PAX5: variants seen among roughly 807,000 people sequenced by gnomAD.
The protein encoded by PAX5 is paired box 5.
Under a neutral mutation model 43.7 loss-of-function variants are expected in PAX5, and 9 were observed. That is an observed-to-expected ratio of 0.21 (90% confidence interval 0.12 to 0.36). The LOEUF (loss-of-function observed/expected upper bound fraction) is 0.36. Ranked by LOEUF, PAX5 falls within the 10% of genes least tolerant of loss-of-function variation. The pLI, the probability that PAX5 is intolerant of heterozygous loss-of-function variation, is 1.00. For synonymous variants in PAX5, 228 were observed against 214.3 expected, an observed-to-expected ratio of 1.06 and a Z score of -0.56; for missense variants, 383 against 532.7, an observed-to-expected ratio of 0.72 and a Z score of 2.77.
At chr9:36,850,064 T>C (rs555926638) in intron 8 of PAX5, among the ~76,000 whole-genome samples, 1 of 151,850 alleles carries the variant, frequency 6.6e-6, no homozygotes, top group African/African-American at 2.4e-5. Context: ...GAAGGGTGGG[T>C]AGGACTTTGA....
chr9:36,885,468 G>A (rs772755639), intron 7 of PAX5, among the ~76,000 whole-genome samples: 44 of 152,162 alleles, frequency 2.9e-4, no homozygotes, highest in Non-Finnish European at 5.4e-4. Flanking sequence ...AGTAAACTGT[G>A]AGTGAGGCAC....
Position 37,002,952 on chromosome 9 carries a change from G to T in PAX5, c.476-176C>A, listed in dbSNP as rs1838036198. ...ACCTGAGCCACGAGCGCAGGCCTCG[G>T]GCGGGCCGTGTGCCCCAGTTCTCTG... On this transcript the variant is annotated intron_variant, in intron 4 of 9. Transcript: ENST00000358127. 4 of 684,872 alleles carry T rather than the reference G, an allele frequency of 5.8e-6. No homozygotes were observed. The East Asian group carries it at 8.8e-5, about 15-fold the overall frequency. 42.4% of individuals were successfully genotyped at this position (684,872 alleles called of 1,614,324 possible).
intron 6 of PAX5, among the ~76,000 whole-genome samples, chr9:36,936,771 G>A (rs1831586393): frequency 6.6e-6 from 1 of 151,958 alleles, no homozygotes; most frequent in Admixed American, 6.6e-5. Flanking sequence ...GGGCCTGGAT[G>A]CCCCTCCCCA....
At chr9:37,024,239 T>C (rs1317468866) in intron 1 of PAX5, among the ~76,000 whole-genome samples, 1 of 152,138 alleles carries the variant, frequency 6.6e-6, no homozygotes, top group Non-Finnish European at 1.5e-5. Context: ...CAGGAGGTTA[T>C]CGTGCTGATG....
intron 5 of PAX5, among the ~76,000 whole-genome samples, chr9:37,000,564 G>A (rs376096707): frequency 2.0e-5 from 3 of 152,208 alleles, no homozygotes; most frequent in African/African-American, 7.2e-5. Context: ...ATGAGCCTGG[G>A]CAACATATCA....
chr9:36,914,717 G>A lies in PAX5; in HGVS notation c.910+8638C>T, dbSNP rs1829589515. Among the ~76,000 whole-genome samples the A allele has an allele frequency of 4.6e-5, 7 of 152,228 alleles. No homozygotes were observed. In the South Asian group the frequency reaches 1.5e-3, roughly 32 times the overall value. On this transcript the variant is annotated intron_variant, in intron 7 of 9. Transcript: ENST00000358127. ...CCAAGGGGATGCTGGGTGGAACTGG[G>A]TGGAGAACTCGACTGCAATGCATCC...
In PAX5 at chr9:37,006,449, A is replaced by AT. The variant is rs759398035; in HGVS notation, c.475+23dup. ...TATTTGGAGCCCATTAGATTTTTAAATTTTTTTTAAAAGTTCCTCTTACCT... is the reference window on the plus strand; with the variant it reads ...TATTTGGAGCCCATTAGATTTTTAAATTTTTTTTTAAAAGTTCCTCTTACCT... On this transcript the variant is annotated intron_variant, in intron 4 of 9. Transcript: ENST00000358127. 150 of 1,581,416 alleles carry AT rather than the reference A, an allele frequency of 9.5e-5. No homozygotes were observed. The African/African-American group carries it at 1.5e-3, about 16-fold the overall frequency.
chr9:37,017,697 C>A (rs572995744), intron 2 of PAX5, among the ~76,000 whole-genome samples: 4 of 152,232 alleles, frequency 2.6e-5, no homozygotes, highest in Non-Finnish European at 5.9e-5. Context: ...GCCTGGCCCC[C>A]ACTTACATAG....
At chr9:36,890,360 A>G (rs1827273378) in intron 7 of PAX5, among the ~76,000 whole-genome samples, 1 of 152,070 alleles carries the variant, frequency 6.6e-6, no homozygotes, top group South Asian at 2.1e-4. Flanking sequence ...CAGAGGAGGG[A>G]GATCTTAGCA....
At chr9:36,850,541 G>A (rs914235769) in intron 8 of PAX5, among the ~76,000 whole-genome samples, 16 of 152,194 alleles carry the variant, frequency 1.1e-4, no homozygotes, top group African/African-American at 2.2e-4. Flanking sequence ...TCAGATGACC[G>A]TGCCCAGCAC....
intron 6 of PAX5, among the ~76,000 whole-genome samples, chr9:36,939,187 A>G (rs1418610176): frequency 6.6e-6 from 1 of 152,146 alleles, no homozygotes; most frequent in Non-Finnish European, 1.5e-5. Flanking sequence ...TAGTTGCCCC[A>G]CCACCCTTTC....
intron 7 of PAX5, among the ~76,000 whole-genome samples, chr9:36,896,133 T>G (rs1339572131): frequency 6.6e-6 from 1 of 152,098 alleles, no homozygotes; most frequent in African/African-American, 2.4e-5. Context: ...TTCTCTGCCC[T>G]TTGTCCAGGA....
intron 1 of PAX5, among the ~76,000 whole-genome samples, chr9:37,021,212 G>A (rs111716348): frequency 1.1e-4 from 17 of 152,250 alleles, no homozygotes; most frequent in South Asian, 6.2e-4. Context: ...AATAAAACTC[G>A]TTTCCTTTTA....
At chr9:36,919,468 A>G (rs1829965980) in intron 7 of PAX5, among the ~76,000 whole-genome samples, 2 of 152,216 alleles carry the variant, frequency 1.3e-5, no homozygotes, top group African/African-American at 4.8e-5. Context: ...TCTGCCAGAA[A>G]GTGTGATTCT....
chr9:36,978,743 GA>G (rs1188280960), intron 5 of PAX5, among the ~76,000 whole-genome samples: 4 of 151,646 alleles, frequency 2.6e-5, no homozygotes, highest in Non-Finnish European at 5.9e-5. Context: ...TGAGAGGGAG[GA>G]AAAAAAAGAT....
intron 8 of PAX5, among the ~76,000 whole-genome samples, chr9:36,878,550 A>G (rs1192384893): frequency 6.6e-6 from 1 of 152,078 alleles, no homozygotes; most frequent in East Asian, 1.9e-4. Flanking sequence ...TGATGAAGGA[A>G]CTGATGGGTG....
chr9:36,914,566 C>T (rs990136628), intron 7 of PAX5, among the ~76,000 whole-genome samples: 2 of 152,140 alleles, frequency 1.3e-5, no homozygotes, highest in African/African-American at 2.4e-5. Flanking sequence ...CATAACTTTG[C>T]TTTCATCTCA....
At chr9:36,931,667 G>T (rs542146351) in intron 6 of PAX5, among the ~76,000 whole-genome samples, 1 of 152,000 alleles carries the variant, frequency 6.6e-6, no homozygotes, top group African/African-American at 2.4e-5. Flanking sequence ...TGGCCAACAC[G>T]GTGAAACCCC....
chr9:37,012,337 C>T (rs1225672081), intron 3 of PAX5, among the ~76,000 whole-genome samples: 1 of 152,204 alleles, frequency 6.6e-6, no homozygotes, highest in Non-Finnish European at 1.5e-5. Context: ...GTTCTACCCC[C>T]ATGTCTATCT....
Sources: allele counts gnomAD v4.1 joint callset (sites outside exome capture counted in the v4.1 genomes callset), GRCh38; gene constraint gnomAD v4.1.1; transcripts MANE v1.5; gene names NCBI Gene and HGNC (gene_info 2026-07-23, HGNC 2026-07-21).